Variants in BTAF1 observed in about 807,000 individuals in gnomAD.
The protein encoded by BTAF1 is B-TFIID TATA-box binding protein associated factor 1, also known as TATA-binding protein-associated factor 172.
BTAF1 carries 38 observed loss-of-function variants against 227.1 expected under a neutral mutation model. The ratio of observed to expected loss-of-function variants is 0.17; its 90% CI spans 0.13 to 0.22. BTAF1 has a LOEUF of 0.22. Among genes scored for constraint, BTAF1 ranks in the 10% least tolerant of loss-of-function variants. The pLI, the probability that BTAF1 is intolerant of heterozygous loss-of-function variation, is 1.00. For synonymous variants in BTAF1, 742 were observed against 751.9 expected (o/e 0.99, Z 0.21); for missense variants, 1,598 against 2,204.0 (o/e 0.73, Z 5.51).
intron 1 of BTAF1, among the ~76,000 whole-genome samples, chr10:91,926,759 C>T (rs146349088): frequency 6.6e-6 from 1 of 152,260 alleles, no homozygotes; most frequent in African/African-American, 2.4e-5. Context: ...AGACAGGAGC[C>T]TCTCTCCTTT....
chr10:91,950,109 C>G (rs913618678), intron 4 of BTAF1, among the ~76,000 whole-genome samples: 1 of 139,204 alleles, frequency 7.2e-6, no homozygotes, highest in Non-Finnish European at 1.5e-5. Flanking sequence ...ACCTACTGCA[C>G]TCCAGCGTGG....
intron 8 of BTAF1, 100 bp from the exon 9 acceptor site, chr10:91,958,965 A>G (rs1846293818): frequency 9.6e-7 from 1 of 1,040,426 alleles, no homozygotes; most frequent in African/African-American, 1.6e-5. Flanking sequence ...GTTTATTCTA[A>G]TTTCTTAAAA....
intron 35 of BTAF1, among the ~76,000 whole-genome samples, chr10:92,025,698 T>C (rs1395648859): frequency 6.6e-6 from 1 of 151,328 alleles, no homozygotes; most frequent in Non-Finnish European, 1.5e-5. Context: ...TCCCAGCTAC[T>C]CTGGAGGCTG....
At chr10:92,012,097 TCCCCCTCC>T (rs1850345976) in intron 30 of BTAF1, among the ~76,000 whole-genome samples, 1 of 43,678 alleles carries the variant, frequency 2.3e-5, no homozygotes, top group African/African-American at 1.0e-4. Context: ...CTCCCTCCCC[TCCCCCTCC>T]CTCCCCTCCT....
chr10:91,939,499 C>T (rs1021399998), intron 2 of BTAF1, among the ~76,000 whole-genome samples: 5 of 152,126 alleles, frequency 3.3e-5, no homozygotes, highest in East Asian at 1.9e-4. Context: ...AGTGCAGTGG[C>T]GCCATCTCGG....
chr10:91,936,956 G>A (rs1046311059), intron 2 of BTAF1, among the ~76,000 whole-genome samples: 35 of 151,760 alleles, frequency 2.3e-4, no homozygotes, highest in African/African-American at 5.3e-4. Flanking sequence ...CTGTCTCACC[G>A]TCTTTCCTTT....
chr10:91,952,976 G>T (rs566074197), intron 5 of BTAF1, among the ~76,000 whole-genome samples: 2 of 152,226 alleles, frequency 1.3e-5, no homozygotes, highest in South Asian at 2.1e-4. Flanking sequence ...ACTAATTTGG[G>T]GTTTGCAAAA....
rs996966946 is a variant in BTAF1, at chr10:91,984,414, G to T, written c.2427+10G>T. 6.3e-7 allele frequency: 1 copy of T among 1,589,852 alleles called. No homozygotes were observed. The highest frequency in any genetic ancestry group is 1.7e-5 in the Admixed American group (1 of 57,498). On this transcript the variant is annotated intron_variant, in intron 19 of 37. Transcript: ENST00000265990. ...TCAAGCTAGTGACTTGGTGAGTAAA[G>T]AAATAACTTTCTTAATTAGAGATAG...
chr10:91,989,542 G>A lies in BTAF1; in HGVS notation c.2816G>A (p.Cys939Tyr), dbSNP rs770571789. The A allele has an allele frequency of 1.2e-6, 2 of 1,611,020 alleles. No individual in the cohort carries two copies. Among genetic ancestry groups the A allele is most frequent in the Non-Finnish European group, 8.5e-7 (1 of 1,179,272 alleles). Residue 939 changes from cysteine (C) to tyrosine (Y), a missense_variant, in exon 20 of 38, where the codon TGT becomes TAT. Transcript: ENST00000265990. ...CCATATCTAACTCCTTGTGTCACAT[G>A]TCCAGTACCAACACAAAGTGGCCAG... The part of the protein sequence containing the change: ...VDPYLTPCVT[C>Y]PVPTQSGQEN...
At chr10:92,006,563 A>G (rs952825673) in intron 25 of BTAF1, among the ~76,000 whole-genome samples, 22 of 152,344 alleles carry the variant, frequency 1.4e-4, no homozygotes, top group Middle Eastern at 3.4e-3. Flanking sequence ...AGTTACGTAA[A>G]TCTTCCACAG....
At chr10:91,971,655 A>G (rs1847316773) in intron 14 of BTAF1, among the ~76,000 whole-genome samples, 1 of 151,820 alleles carries the variant, frequency 6.6e-6, no homozygotes, top group Non-Finnish European at 1.5e-5. Context: ...TATTTTTAGT[A>G]GAGACAGGGT....
rs746052828 is a variant in BTAF1, at chr10:91,960,061, T to A, written c.1170T>A (p.Thr390=). 6.2e-7 allele frequency: 1 copy of A among 1,613,962 alleles called. No individual in the cohort carries two copies. The highest frequency in any genetic ancestry group is 8.5e-7 in the Non-Finnish European group (1 of 1,179,904). ...TGAACGAAACAGGAGTTCATAAGACTGTGGATGTGCTGCTAAAATTACTTA... is the reference window on the plus strand; with the variant it reads ...TGAACGAAACAGGAGTTCATAAGACAGTGGATGTGCTGCTAAAATTACTTA... The part of the protein sequence containing the change: ...KHMNETGVHK[T]VDVLLKLLTQ... Residue 390 remains threonine, a synonymous_variant, in exon 11 of 38, where the codon ACT becomes ACA. Coordinates refer to ENST00000265990, the MANE Select transcript of BTAF1 (RefSeq NM_003972.3).
At chr10:91,997,273 T>C in intron 24 of BTAF1, 1 of 704,634 alleles carries the variant, frequency 1.4e-6, no homozygotes, top group African/African-American at 1.9e-5. Flanking sequence ...ACAATGTGAC[T>C]TATTTTATTT....
At chr10:91,956,776 G>A (rs1428949416) in intron 7 of BTAF1, 119 bp downstream of exon 7, 1 of 1,108,776 alleles carries the variant, frequency 9.0e-7, no homozygotes, top group Admixed American at 2.6e-5. Context: ...TTATCACGAG[G>A]TCAGGAGCTT....
intron 19 of BTAF1, among the ~76,000 whole-genome samples, chr10:91,987,268 G>A (rs1009680930): frequency 3.9e-5 from 6 of 152,040 alleles, no homozygotes; most frequent in African/African-American, 1.4e-4. Context: ...TGGATCATGA[G>A]GTCAGGAGAT....
intron 1 of BTAF1, among the ~76,000 whole-genome samples, chr10:91,930,300 T>A (rs767237863): frequency 4.6e-5 from 7 of 152,214 alleles, no homozygotes; most frequent in Non-Finnish European, 1.0e-4. Flanking sequence ...TAGAAAAAAA[T>A]GTCTTGAAGG....
chr10:91,942,839 T>C (rs1181890262), intron 4 of BTAF1, among the ~76,000 whole-genome samples: 2 of 152,166 alleles, frequency 1.3e-5, no homozygotes, highest in Non-Finnish European at 2.9e-5. Flanking sequence ...TATTATGTAG[T>C]ATGGAAATTA....
At chr10:91,950,832 ATT>A (rs375509577) in intron 4 of BTAF1, among the ~76,000 whole-genome samples, 15 of 132,538 alleles carry the variant, frequency 1.1e-4, no homozygotes, top group Non-Finnish European at 1.4e-4. Flanking sequence ...ATAGAGATGT[ATT>A]TTTTTTTTTT....
intron 6 of BTAF1, among the ~76,000 whole-genome samples, chr10:91,954,344 G>A (rs1845951215): frequency 1.3e-5 from 2 of 152,022 alleles, no homozygotes; most frequent in Non-Finnish European, 2.9e-5. Flanking sequence ...CTTAAGCTGG[G>A]GCTATGCTAA....
Sources: allele counts gnomAD v4.1 joint callset (sites outside exome capture counted in the v4.1 genomes callset), GRCh38; gene constraint gnomAD v4.1.1; transcripts MANE v1.5; gene names NCBI Gene and HGNC (gene_info 2026-07-23, HGNC 2026-07-21).